The following ASCC3 variants were observed in gnomAD, a reference collection of about 807,000 sequenced individuals.
ASCC3 encodes ASC-1 complex subunit P200.
ASCC3 carries 158 observed loss-of-function variants against 256.3 expected under a neutral mutation model. That is an observed-to-expected ratio of 0.62 (90% CI 0.54 to 0.70). The LOEUF (loss-of-function observed/expected upper bound fraction) is 0.70. ASCC3 is among the 30% of genes least tolerant of loss of function. ASCC3 has a pLI of 0.00. For synonymous variants in ASCC3, 948 were observed against 883.4 expected, an observed-to-expected ratio of 1.07 and a Z score of -1.30; for missense variants, 2,259 against 2,626.0, an observed-to-expected ratio of 0.86 and a Z score of 3.05.
chr6:100,705,403 GAATTC>G lies in ASCC3; in HGVS notation c.2151+10054_2151+10058del, dbSNP rs1272365516. ...TAATCCAAATAAGGAGAAACAAATT[GAATTC>G]ATTTGTTTATTTAAGATAAAACTGT... On this transcript the variant is annotated intron_variant, in intron 13 of 41. Coordinates refer to ENST00000369162, the MANE Select transcript of ASCC3 (RefSeq NM_006828.4). Among the ~76,000 whole-genome samples, 4 of 152,146 alleles carry G rather than the reference GAATTC, an allele frequency of 2.6e-5. No individual in the cohort carries two copies. In the East Asian group the frequency reaches 7.7e-4, roughly 29 times the overall value.
At chr6:100,674,755 T>C (rs1310133873) in intron 14 of ASCC3, among the ~76,000 whole-genome samples, 1 of 151,672 alleles carries the variant, frequency 6.6e-6, no homozygotes, top group Non-Finnish European at 1.5e-5. Context: ...GCCTCAGCCT[T>C]CCCAAGTAGT....
At chr6:100,706,749 G>C (rs1217455378) in intron 13 of ASCC3, among the ~76,000 whole-genome samples, 2 of 152,068 alleles carry the variant, frequency 1.3e-5, no homozygotes, top group African/African-American at 4.8e-5. Context: ...ACCTTAAACA[G>C]AGCAAGCCTT....
At chr6:100,852,360 T>C (rs1772723998) in intron 3 of ASCC3, among the ~76,000 whole-genome samples, 1 of 152,184 alleles carries the variant, frequency 6.6e-6, no homozygotes, top group African/African-American at 2.4e-5. Flanking sequence ...GGAACGGCTT[T>C]GGACAACGCG....
At chr6:100,666,709 CT>C (rs1776492861) in intron 14 of ASCC3, among the ~76,000 whole-genome samples, 1 of 152,048 alleles carries the variant, frequency 6.6e-6, no homozygotes. Context: ...TTTTATCCAC[CT>C]GTGTTATAAT....
At position 100,690,185 on chromosome 6, in the gene ASCC3, A is replaced by G. The variant is rs574952717; in HGVS notation, c.2152-10433T>C. 2.0e-5 allele frequency among the ~76,000 whole-genome samples: 3 copies of G among 152,244 alleles called. No homozygotes were observed. The South Asian group carries it at 6.2e-4, about 32-fold the overall frequency. ...CACATCCTTCTGTATACTTTATATC[A>G]TATCTTGATAATACCTAATACAATG... On this transcript the variant is annotated intron_variant, in intron 13 of 41. Coordinates refer to ENST00000369162, the MANE Select transcript of ASCC3 (RefSeq NM_006828.4).
intron 4 of ASCC3, among the ~76,000 whole-genome samples, chr6:100,828,324 A>T (rs916966629): frequency 8.5e-5 from 13 of 152,242 alleles, no homozygotes; most frequent in African/African-American, 1.7e-4. Context: ...AAATGGGGAT[A>T]AAAAAAGTAC....
At chr6:100,700,218 T>TGGTGCCTTCCATCCCA (rs1778288230) in intron 13 of ASCC3, among the ~76,000 whole-genome samples, 1 of 152,126 alleles carries the variant, frequency 6.6e-6, no homozygotes, top group Non-Finnish European at 1.5e-5. Context: ...CCTAGGGACT[T>TGGTGCCTTCCATCCCA]GGTGCCTTCC....
chr6:100,820,468 C>A (rs944024141), intron 4 of ASCC3, among the ~76,000 whole-genome samples: 2 of 151,920 alleles, frequency 1.3e-5, no homozygotes, highest in Non-Finnish European at 2.9e-5. Flanking sequence ...TTACTGCATA[C>A]CATATAAAAA....
intron 1 of ASCC3, among the ~76,000 whole-genome samples, chr6:100,879,238 A>G (rs898302195): frequency 1.3e-5 from 2 of 152,178 alleles, no homozygotes; most frequent in African/African-American, 4.8e-5. Context: ...GAATCTCCAC[A>G]TGTTCAGCTT....
chr6:100,609,602 G>A (rs9390502), intron 30 of ASCC3, among the ~76,000 whole-genome samples: 52,804 of 152,064 alleles, frequency 0.35, 10,831 homozygotes, highest in Middle Eastern at 0.52. Context: ...AAAATTTGTT[G>A]TAAAGAACTA....
At chr6:100,590,456 C>T (rs374131764) in intron 34 of ASCC3, among the ~76,000 whole-genome samples, 42 of 152,258 alleles carry the variant, frequency 2.8e-4, no homozygotes, top group Middle Eastern at 3.4e-3. Context: ...TGGCAAAACC[C>T]CATGGCCTCT....
At chr6:100,533,312 T>C (rs1715461903) in intron 37 of ASCC3, among the ~76,000 whole-genome samples, 1 of 152,172 alleles carries the variant, frequency 6.6e-6, no homozygotes, top group African/African-American at 2.4e-5. Flanking sequence ...TGAATATAGT[T>C]ATGTAGCACT....
chr6:100,639,841 G>A (rs955092086), intron 24 of ASCC3, among the ~76,000 whole-genome samples: 3 of 152,202 alleles, frequency 2.0e-5, no homozygotes, highest in East Asian at 1.9e-4. Context: ...GAGGCCGGGA[G>A]CGGTGGCTCA....
chr6:100,582,359 G>A (rs1771336363), intron 36 of ASCC3, among the ~76,000 whole-genome samples: 1 of 151,842 alleles, frequency 6.6e-6, no homozygotes, highest in Admixed American at 6.6e-5. Flanking sequence ...TTGTGAATGG[G>A]ACTTCACTCA....
chr6:100,523,412 C>A, intron 37 of ASCC3, among the ~76,000 whole-genome samples: 1 of 152,116 alleles, frequency 6.6e-6, no homozygotes, highest in South Asian at 2.1e-4. Flanking sequence ...GTAGCATATA[C>A]TAAGCAGGAA....
chr6:100,671,128 A>G (rs370089289), intron 14 of ASCC3, among the ~76,000 whole-genome samples: 28 of 152,216 alleles, frequency 1.8e-4, no homozygotes, highest in African/African-American at 4.8e-4. Context: ...ACAGGCAAAC[A>G]CACAATGGTT....
intron 13 of ASCC3, among the ~76,000 whole-genome samples, chr6:100,692,531 C>T (rs979718880): frequency 2.0e-5 from 3 of 151,964 alleles, no homozygotes; most frequent in African/African-American, 7.2e-5. Flanking sequence ...AGATCTTTCA[C>T]CCACACTATT....
At chr6:100,655,902 G>C in intron 16 of ASCC3, 84 bp from the exon 17 acceptor site, 1 of 1,497,526 alleles carries the variant, frequency 6.7e-7, no homozygotes, top group Non-Finnish European at 9.2e-7. Context: ...CAGAGGTGAA[G>C]TTTTAAAAAT....
At position 100,560,776 on chromosome 6, in the gene ASCC3, C is replaced by G. The variant is rs1164055230; in HGVS notation, c.5551-20389G>C. 2.6e-5 allele frequency among the ~76,000 whole-genome samples: 4 copies of G among 151,762 alleles called. No individual in the cohort carries two copies. In the South Asian group the frequency reaches 8.3e-4, roughly 32 times the overall value. ...ACACACACACACACACACACACACA[C>G]ACACACACACACACACGCACACATA... On this transcript the variant is annotated intron_variant, in intron 36 of 41. Coordinates refer to ENST00000369162, the MANE Select transcript of ASCC3 (RefSeq NM_006828.4).
Sources: gnomAD v4.1 joint callset for allele counts (sites outside exome capture counted in the v4.1 genomes callset) on GRCh38, gnomAD v4.1.1 for gene constraint, MANE v1.5 for transcripts, NCBI Gene and HGNC (gene_info 2026-07-23, HGNC 2026-07-21) for gene names.